The following STARD13 variants were observed in gnomAD, a reference collection of about 807,000 sequenced individuals.
STARD13 encodes the protein stAR-related lipid transfer protein 13.
STARD13 carries 62 observed loss-of-function variants against 106.4 expected under a neutral mutation model. That is an observed-to-expected ratio of 0.58 (90% CI 0.48 to 0.72). The LOEUF is 0.72. Ranked by LOEUF, STARD13 falls within the 30% of genes least tolerant of loss-of-function variation. STARD13 has a pLI of 0.00. For synonymous variants in STARD13, 565 were observed against 553.0 expected (o/e 1.02, Z -0.31); for missense variants, 1,387 against 1,424.0 (o/e 0.97, Z 0.42).
At chr13:33,161,714 A>G (rs1425755590) in intron 3 of STARD13, among the ~76,000 whole-genome samples, 3 of 152,134 alleles carry the variant, frequency 2.0e-5, no homozygotes, top group Non-Finnish European at 4.4e-5. Context: ...TACTTTATAT[A>G]TATATGTATT....
intron 3 of STARD13, among the ~76,000 whole-genome samples, chr13:33,164,813 G>C (rs1260667781): frequency 6.6e-6 from 1 of 151,996 alleles, no homozygotes; most frequent in East Asian, 1.9e-4. Flanking sequence ...GCTTAAATAG[G>C]CCAGTTTGGT....
chr13:33,433,024 T>C, the STARD13 span, among the ~76,000 whole-genome samples: 1,991 of 152,316 alleles, frequency 0.013, 48 homozygotes, highest in African/African-American at 0.046. Flanking sequence ...TTTTTATTGT[T>C]TTCCTTCCAA....
At chr13:33,248,857 G>A (rs1250593384) in intron 1 of STARD13, among the ~76,000 whole-genome samples, 2 of 151,986 alleles carry the variant, frequency 1.3e-5, no homozygotes, top group African/African-American at 4.8e-5. Flanking sequence ...ATACTCCCTG[G>A]TCTTAGATTT....
At chr13:33,641,171 G>C in the STARD13 span, among the ~76,000 whole-genome samples, 1 of 152,180 alleles carries the variant, frequency 6.6e-6, no homozygotes, top group African/African-American at 2.4e-5. Context: ...TGAGTATGGG[G>C]CAGGACTCTC....
chr13:33,459,465 A>G, the STARD13 span, among the ~76,000 whole-genome samples: 8 of 152,262 alleles, frequency 5.3e-5, no homozygotes, highest in African/African-American at 1.9e-4. Flanking sequence ...GTAGTGTTCT[A>G]TTATTTAGAG....
chr13:33,413,939 A>C, the STARD13 span, among the ~76,000 whole-genome samples: 2 of 150,502 alleles, frequency 1.3e-5, no homozygotes, highest in Non-Finnish European at 2.9e-5. Flanking sequence ...AGGCTGAGGC[A>C]GGAGAATCGC....
At chr13:33,246,578 T>C (rs1159399459) in intron 1 of STARD13, among the ~76,000 whole-genome samples, 1 of 152,226 alleles carries the variant, frequency 6.6e-6, no homozygotes, top group Non-Finnish European at 1.5e-5. Flanking sequence ...AAATATTTGT[T>C]GAGCACTTTC....
chr13:33,239,646 C>A (rs538738028), intron 1 of STARD13, among the ~76,000 whole-genome samples: 2 of 152,160 alleles, frequency 1.3e-5, no homozygotes, highest in South Asian at 4.1e-4. Flanking sequence ...ATTAGTGATA[C>A]CAAGCATCTT....
chr13:33,129,005 G>A lies in STARD13; in HGVS notation c.1672C>T (p.Leu558Phe). The change falls in exon 5 of 14, where the codon CTT (leucine) becomes TTT (phenylalanine). Residue 558 changes from leucine (L) to phenylalanine (F), a missense_variant. Coordinates refer to ENST00000336934, the MANE Select transcript of STARD13 (RefSeq NM_178006.4). ...ACCCCAGGAGGCTCAGATTCATTAA[G>A]AGATGTTACATCTCTTTCCACATCA... ...PSDVERDVTS[L>F]NESEPPGVRD... 2 of 1,614,070 alleles carry A rather than the reference G, an allele frequency of 1.2e-6. No individual in the cohort carries two copies. Among genetic ancestry groups the A allele is most frequent in the Non-Finnish European group, 1.7e-6 (2 of 1,180,030 alleles).
chr13:33,498,199 T>C, the STARD13 span, among the ~76,000 whole-genome samples: 8 of 152,154 alleles, frequency 5.3e-5, no homozygotes, highest in Non-Finnish European at 1.2e-4. Flanking sequence ...CAATATGAAA[T>C]AGTTAGAAGC....
intron 1 of STARD13, among the ~76,000 whole-genome samples, chr13:33,186,874 G>A (rs797206): frequency 0.72 from 109,625 of 152,088 alleles, 39,654 homozygotes; most frequent in Admixed American, 0.79. Flanking sequence ...CAAACTACCT[G>A]TTAAATCTGC....
At chr13:33,644,126 A>G in the STARD13 span, among the ~76,000 whole-genome samples, 1 of 152,236 alleles carries the variant, frequency 6.6e-6, no homozygotes, top group Admixed American at 6.5e-5. Flanking sequence ...AAGGACAAGA[A>G]TGGACCACCC....
At chr13:33,321,712 C>T (rs1394917616) in intron 1 of STARD13, among the ~76,000 whole-genome samples, 1 of 152,082 alleles carries the variant, frequency 6.6e-6, no homozygotes, top group Non-Finnish European at 1.5e-5. Context: ...CATCAAAGAA[C>T]GGGGCTTTCC....
chr13:33,105,511 C>T lies in STARD13; in HGVS notation c.*82G>A, dbSNP rs746095587. 1.3e-5 allele frequency: 13 copies of T among 969,660 alleles called. No homozygotes were observed. Among genetic ancestry groups the T allele is most frequent in the Admixed American group, 7.3e-5 (4 of 55,150 alleles). The allele number at this position is 969,660 out of a possible 1,614,324, so 60.1% of individuals were successfully genotyped here. A position where few individuals can be genotyped will look rare whatever the true frequency, so the allele number is the denominator to read the frequency against. The stretch of plus-strand genomic sequence containing the variant: ...CGCGTCCTTCAGTTCCTCTTTCTCT[C>T]GCTTTCTCACATGCACACTCTCTGC... On this transcript the variant is annotated 3_prime_UTR_variant, in exon 14 of 14. Transcript: ENST00000336934.
At chr13:33,419,528 A>T in the STARD13 span, among the ~76,000 whole-genome samples, 1 of 152,178 alleles carries the variant, frequency 6.6e-6, no homozygotes, top group African/African-American at 2.4e-5. Flanking sequence ...GTTGGAAAAC[A>T]CTCTTTAGGA....
At chr13:33,369,709 A>G in the STARD13 span, among the ~76,000 whole-genome samples, 1 of 152,148 alleles carries the variant, frequency 6.6e-6, no homozygotes, top group Non-Finnish European at 1.5e-5. Flanking sequence ...AGTGCATTAC[A>G]TATATTTTTT....
the STARD13 span, among the ~76,000 whole-genome samples, chr13:33,545,835 G>T: frequency 6.6e-6 from 1 of 152,166 alleles, no homozygotes; most frequent in Non-Finnish European, 1.5e-5. Flanking sequence ...ACAGCCTGAG[G>T]CCCTCACCAG....
chr13:33,187,246 C>T (rs373331078), intron 1 of STARD13, among the ~76,000 whole-genome samples: 9 of 152,214 alleles, frequency 5.9e-5, no homozygotes, highest in African/African-American at 2.2e-4. Flanking sequence ...GGGAAGGGTC[C>T]CGCTCTATCG....
At chr13:33,552,542 C>T in the STARD13 span, among the ~76,000 whole-genome samples, 1 of 152,264 alleles carries the variant, frequency 6.6e-6, no homozygotes, top group Non-Finnish European at 1.5e-5. Context: ...GTGAGCAACT[C>T]ATTTACTAAA....
Sources: gnomAD v4.1 joint callset for allele counts (sites outside exome capture counted in the v4.1 genomes callset) on GRCh38, gnomAD v4.1.1 for gene constraint, MANE v1.5 for transcripts, NCBI Gene and HGNC (gene_info 2026-07-23, HGNC 2026-07-21) for gene names.